Variants in LRRC37A3 observed in about 807,000 individuals in gnomAD.
LRRC37A3 encodes the protein leucine rich repeat containing 37 member A3.
A neutral mutation model predicts 106.2 loss-of-function variants in LRRC37A3; 25 were observed. The observed-to-expected ratio is 0.24, with a 90% CI of 0.17 to 0.33. The LOEUF (loss-of-function observed/expected upper bound fraction) is 0.33, where lower values mean the gene tolerates loss of function less well. Ranked by LOEUF, LRRC37A3 falls within the 10% of genes least tolerant of loss-of-function variation. The pLI is 1.00. For synonymous variants in LRRC37A3, 305 were observed against 635.8 expected (o/e 0.48, Z 7.83); for missense variants, 712 against 1,644.9 (o/e 0.43, Z 9.81).
intron 10 of LRRC37A3, among the ~76,000 whole-genome samples, chr17:64,867,132 A>T (rs1190764941): frequency 6.6e-6 from 1 of 151,628 alleles, no homozygotes; most frequent in Non-Finnish European, 1.5e-5. Context: ...AAGCCATTTA[A>T]GAAAAAAATG....
Position 64,854,584 on chromosome 17 carries a change from G to C in LRRC37A3, c.*15C>G. The stretch of plus-strand genomic sequence containing the variant: ...GTATTTTTGCAGGAGGCCTGAGGTG[G>C]GCTGGGTTCTCCTCCTATGGCAGGG... On this transcript the variant is annotated 3_prime_UTR_variant, in exon 15 of 15. Transcript: ENST00000584306. The C allele has an allele frequency of 6.2e-7, 1 of 1,613,882 alleles. No individual in the cohort carries two copies. The highest frequency in any genetic ancestry group is 8.5e-7 in the Non-Finnish European group (1 of 1,179,864).
intron 5 of LRRC37A3, among the ~76,000 whole-genome samples, chr17:64,890,188 G>T (rs1251137230): frequency 7.4e-6 from 1 of 135,960 alleles, no homozygotes; most frequent in Non-Finnish European, 1.5e-5. Context: ...CAAAAAAATT[G>T]GAGAACTATA....
chr17:64,862,237 T>G (rs1972901455), intron 11 of LRRC37A3, among the ~76,000 whole-genome samples: 1 of 152,210 alleles, frequency 6.6e-6, no homozygotes, highest in African/African-American at 2.4e-5. Context: ...AGTCACATTT[T>G]AGAAGTCATG....
At chr17:64,870,827 T>C (rs1349850780) in intron 8 of LRRC37A3, among the ~76,000 whole-genome samples, 2 of 151,652 alleles carry the variant, frequency 1.3e-5, no homozygotes, top group Non-Finnish European at 2.9e-5. Context: ...CTTCCTTCTA[T>C]TTTCTTTCCT....
At chr17:64,864,216 A>G (rs1276934390) in intron 10 of LRRC37A3, among the ~76,000 whole-genome samples, 2 of 152,166 alleles carry the variant, frequency 1.3e-5, no homozygotes, top group Non-Finnish European at 2.9e-5. Flanking sequence ...ACGAGGCAGG[A>G]AGAATACATC....
Position 64,862,982 on chromosome 17 carries a change from T to G in LRRC37A3, c.3090A>C (p.Gln1030His), listed in dbSNP as rs1972926730. 1.3e-6 allele frequency: 2 copies of G among 1,598,234 alleles called. No individual in the cohort carries two copies. Among genetic ancestry groups the G allele is most frequent in the Non-Finnish European group, 1.7e-6 (2 of 1,179,776 alleles). Residue 1030 changes from glutamine (Q) to histidine (H), a missense_variant, in exon 11 of 15, where the codon CAA (glutamine) becomes CAC (histidine). Transcript: ENST00000584306. ...VPSHMACCLCQFKNSIEAVCK... is the reference protein window; with the variant it reads ...VPSHMACCLCHFKNSIEAVCK... ...AGACAGCCTCAATGCTGTTTTTAAA[T>G]TGGCAGAGGCAGCAGGCCATATGGC...
intron 8 of LRRC37A3, among the ~76,000 whole-genome samples, chr17:64,874,298 G>A (rs1275966285): frequency 4.3e-5 from 6 of 139,950 alleles, no homozygotes; most frequent in South Asian, 2.5e-4. Context: ...GCCCGGCCGC[G>A]ACCCCGTCTG....
At chr17:64,913,562 A>G (rs898020180) in intron 2 of LRRC37A3, among the ~76,000 whole-genome samples, 3 of 148,088 alleles carry the variant, frequency 2.0e-5, no homozygotes, top group African/African-American at 7.5e-5. Flanking sequence ...CTGGACTCGA[A>G]CTCCTGACCT....
At chr17:64,861,853 T>C (rs947202930) in intron 11 of LRRC37A3, among the ~76,000 whole-genome samples, 1 of 152,170 alleles carries the variant, frequency 6.6e-6, no homozygotes, top group African/African-American at 2.4e-5. Flanking sequence ...AGGTCAGGTG[T>C]GCCAGTGTGC....
intron 8 of LRRC37A3, among the ~76,000 whole-genome samples, chr17:64,879,456 A>T (rs1973618960): frequency 1.3e-5 from 2 of 152,156 alleles, no homozygotes; most frequent in South Asian, 4.1e-4. Context: ...GACCAAGATC[A>T]GAGTGAGTCA....
intron 8 of LRRC37A3, chr17:64,881,185 C>T (rs1973689988): frequency 2.9e-6 from 2 of 700,898 alleles, no homozygotes; most frequent in South Asian, 1.5e-5. Flanking sequence ...CACGTAAATG[C>T]TTTTTCAGGG....
intron 8 of LRRC37A3, among the ~76,000 whole-genome samples, chr17:64,872,381 T>A (rs892628873): frequency 2.6e-5 from 4 of 152,158 alleles, no homozygotes; most frequent in African/African-American, 9.7e-5. Context: ...AGCTCAGTAG[T>A]CGCCTTGAAA....
At chr17:64,858,949 T>C in intron 12 of LRRC37A3, 66 bp from the exon 13 acceptor site, 1 of 1,109,692 alleles carries the variant, frequency 9.0e-7, no homozygotes. Flanking sequence ...GTGAGTAGCT[T>C]ACAGGTTCTT....
At chr17:64,917,270 A>AC (rs1974727455) in intron 2 of LRRC37A3, among the ~76,000 whole-genome samples, 1 of 145,808 alleles carries the variant, frequency 6.9e-6, no homozygotes, top group South Asian at 2.1e-4. Context: ...AAAAAAAAAA[A>AC]CCTGAAAATA....
intron 9 of LRRC37A3, 139 bp downstream of exon 9, chr17:64,868,956 C>T (rs562700826): frequency 1.0e-4 from 146 of 1,462,120 alleles, no homozygotes; most frequent in Middle Eastern, 2.6e-4. Context: ...TTTTTTTCTT[C>T]GCCAATAACT....
intron 8 of LRRC37A3, among the ~76,000 whole-genome samples, chr17:64,878,826 G>A (rs1339699249): frequency 2.6e-5 from 4 of 152,174 alleles, no homozygotes; most frequent in Admixed American, 2.0e-4. Flanking sequence ...ATTCTGCTAG[G>A]GATGCACCCT....
At chr17:64,882,869 G>A (rs1973751145) in intron 8 of LRRC37A3, among the ~76,000 whole-genome samples, 2 of 151,586 alleles carry the variant, frequency 1.3e-5, no homozygotes, top group South Asian at 4.2e-4. Flanking sequence ...TCTGAATAAA[G>A]TATAGCCTTT....
At chr17:64,876,297 C>T (rs1266515954) in intron 8 of LRRC37A3, among the ~76,000 whole-genome samples, 2 of 152,230 alleles carry the variant, frequency 1.3e-5, no homozygotes, top group African/African-American at 2.4e-5. Context: ...ATCCTCCTGC[C>T]TTAGCCACCT....
chr17:64,870,007 C>T (rs1460336734), intron 8 of LRRC37A3, among the ~76,000 whole-genome samples: 1 of 151,144 alleles, frequency 6.6e-6, no homozygotes, highest in Non-Finnish European at 1.5e-5. Flanking sequence ...ACATCACAGC[C>T]TTTCTTACAT....
Sources: allele counts gnomAD v4.1 joint callset (sites outside exome capture counted in the v4.1 genomes callset), GRCh38; gene constraint gnomAD v4.1.1; transcripts MANE v1.5; gene names NCBI Gene and HGNC (gene_info 2026-07-23, HGNC 2026-07-21).